The following RNF170 variants were observed in gnomAD, a reference collection of about 807,000 sequenced individuals.
RNF170 encodes the protein ring finger protein 170.
In RNF170, 12 loss-of-function variants were observed where a neutral mutation model predicts 32.7. The observed-to-expected ratio is 0.37, with a 90% confidence interval of 0.24 to 0.60. The LOEUF is 0.60. RNF170 is among the 20% of genes least tolerant of loss of function. The probability of loss-of-function intolerance (pLI) is 0.72; values close to 1 mark genes in which losing one functional copy is unlikely to be tolerated. For synonymous variants in RNF170, 91 were observed against 103.6 expected (o/e 0.88, Z 0.74); for missense variants, 212 against 311.2 (o/e 0.68, Z 2.40).
At chr8:42,871,502 C>A (rs558425605) in intron 3 of RNF170, among the ~76,000 whole-genome samples, 2 of 152,008 alleles carry the variant, frequency 1.3e-5, no homozygotes, top group Non-Finnish European at 2.9e-5. Context: ...CAAGGCTACA[C>A]CTTGATGTTA....
In RNF170 at chr8:42,855,391, T is replaced by G; in HGVS notation, c.*768A>C. The G allele has an allele frequency of 1.5e-6, 1 of 666,862 alleles. No individual in the cohort carries two copies. Among genetic ancestry groups the G allele is most frequent in the Non-Finnish European group, 2.2e-6 (1 of 446,678 alleles). The allele number at this position is 666,862 out of a possible 1,614,324, so 41.3% of individuals were successfully genotyped here. ...CACGCCTGGCTAATTTTTTGTATTT[T>G]TAGTAGAGACGGGGTTTCACCATGT... On this transcript the variant is annotated 3_prime_UTR_variant, in exon 7 of 7. Transcript: ENST00000527424.
At chr8:42,896,740 CCGGCGGCAGCGGCGG>C (rs1022311314), upstream of RNF170, 2 of 144,576 alleles carry the variant, frequency 1.4e-5, no homozygotes, top group African/African-American at 5.1e-5. Context: ...GGGGGCGCGC[CCGGCGGCAGCGGCGG>C]CGGCGGCGGC....
At chr8:42,884,275 G>A (rs1291271082) in intron 2 of RNF170, among the ~76,000 whole-genome samples, 1 of 151,784 alleles carries the variant, frequency 6.6e-6, no homozygotes, top group African/African-American at 2.4e-5. Context: ...GTAGAGATGG[G>A]GTTTCACAAT....
At chr8:42,896,838 G>A (rs1334971404), upstream of RNF170, 13 of 224,102 alleles carry the variant, frequency 5.8e-5, no homozygotes, top group Non-Finnish European at 8.7e-5. Context: ...CTCGGCTCCA[G>A]CCAGGGCGGC....
At chr8:42,870,931 G>A (rs1455793578) in intron 3 of RNF170, among the ~76,000 whole-genome samples, 3 of 151,470 alleles carry the variant, frequency 2.0e-5, no homozygotes, top group South Asian at 2.1e-4. Context: ...CTACATGGCC[G>A]GGCACGGTGG....
chr8:42,883,092 C>T (rs928901281), intron 2 of RNF170, among the ~76,000 whole-genome samples: 1 of 151,270 alleles, frequency 6.6e-6, no homozygotes, highest in African/African-American at 2.4e-5. Flanking sequence ...ATCACATGTT[C>T]TGACTTATAA....
rs990749361 is a variant in RNF170, at chr8:42,861,930, A to G, written c.397-75T>C. On this transcript the variant is annotated intron_variant, in intron 5 of 6. Transcript: ENST00000527424. The stretch of plus-strand genomic sequence containing the variant: ...TTTTTTCATTTTGTGTTATTATTCA[A>G]TAGAATGATAAAGGCTTCTATATTT... 9.8e-6 allele frequency: 14 copies of G among 1,432,416 alleles called. No homozygotes were observed. The African/African-American group carries it at 2.0e-4, about 21-fold the overall frequency. The allele number at this position is 1,432,416 out of a possible 1,614,324, so 88.7% of individuals were successfully genotyped here.
intron 5 of RNF170, among the ~76,000 whole-genome samples, chr8:42,862,358 TA>T (rs1369904002): frequency 6.6e-6 from 1 of 152,186 alleles, no homozygotes; most frequent in African/African-American, 2.4e-5. Flanking sequence ...CAATTCCTAC[TA>T]TAATAAAAAA....
downstream of RNF170, chr8:42,850,346 G>A (rs7829674): frequency 8.4e-3 from 1,797 of 214,090 alleles, 36 homozygotes; most frequent in African/African-American, 0.038. Context: ...ATCGGGCTGC[G>A]TTGCATGTAG....
chr8:42,883,456 C>T (rs1450543030), intron 2 of RNF170, among the ~76,000 whole-genome samples: 1 of 151,150 alleles, frequency 6.6e-6, no homozygotes, highest in Non-Finnish European at 1.5e-5. Context: ...GTAGTCCCAG[C>T]TACTCAGGAG....
intron 2 of RNF170, among the ~76,000 whole-genome samples, chr8:42,883,453 C>T (rs1805571772): frequency 6.6e-6 from 1 of 151,768 alleles, no homozygotes; most frequent in African/African-American, 2.4e-5. Flanking sequence ...CCTGTAGTCC[C>T]AGCTACTCAG....
chr8:42,859,915 G>T (rs530370712), intron 6 of RNF170, among the ~76,000 whole-genome samples: 5 of 152,254 alleles, frequency 3.3e-5, no homozygotes, highest in Admixed American at 3.3e-4. Context: ...CTCCCAAAGT[G>T]CCAGGATTAC....
At chr8:42,893,905 C>T (rs1364876865) in intron 1 of RNF170, among the ~76,000 whole-genome samples, 1 of 152,146 alleles carries the variant, frequency 6.6e-6, no homozygotes, top group Admixed American at 6.5e-5. Context: ...TGAGAACTAG[C>T]CTCCAACTAA....
chr8:42,889,817 T>G (rs1179306363), intron 1 of RNF170, among the ~76,000 whole-genome samples: 1 of 152,148 alleles, frequency 6.6e-6, no homozygotes, highest in African/African-American at 2.4e-5. Context: ...TCAAATAAGC[T>G]AGGGGTGGGC....
chr8:42,893,159 G>A (rs1199183585), intron 1 of RNF170, among the ~76,000 whole-genome samples: 1 of 152,128 alleles, frequency 6.6e-6, no homozygotes, highest in South Asian at 2.1e-4. Flanking sequence ...GTAGTGCGCA[G>A]GGTCTTACAT....
At chr8:42,868,851 CAAAAAAA>C (rs56822241) in intron 4 of RNF170, among the ~76,000 whole-genome samples, 4 of 73,746 alleles carry the variant, frequency 5.4e-5, no homozygotes, top group South Asian at 4.3e-4. Context: ...GACTGCATTT[CAAAAAAA>C]AAAAAAAAAA....
intron 2 of RNF170, among the ~76,000 whole-genome samples, chr8:42,881,962 C>T (rs565040310): frequency 4.6e-5 from 7 of 152,202 alleles, no homozygotes; most frequent in Non-Finnish European, 7.4e-5. Context: ...ACCAGATAGA[C>T]GAATGGCCAC....
Position 42,870,075 on chromosome 8 carries a change from T to C in RNF170, c.251A>G (p.Asp84Gly). 6.2e-7 allele frequency: 1 copy of C among 1,614,102 alleles called. No homozygotes were observed. The highest frequency in any genetic ancestry group is 8.5e-7 in the Non-Finnish European group (1 of 1,179,998). Residue 84 changes from aspartate to glycine, a missense_variant, in exon 4 of 7, where the codon GAC (aspartate) becomes GGC (glycine). By Grantham distance (94) the Asp-to-Gly change is moderately conservative (BLOSUM62 -1). Around this residue, in one of 2 missense-constraint regions of RNF170, gnomAD observed 115 missense variants for 132.3 expected, o/e 0.87. Transcript: ENST00000527424. ...GTGCAGGCAGATGGGACAGTACATG[T>C]CAGTGTAGAACTGCTGTCGAGTGGC... The part of the protein sequence containing the change: ...PAATRQQFYT[D>G]MYCPICLHQA...
At chr8:42,859,041 G>A (rs1428360395) in intron 6 of RNF170, among the ~76,000 whole-genome samples, 2 of 151,952 alleles carry the variant, frequency 1.3e-5, no homozygotes, top group Non-Finnish European at 2.9e-5. Flanking sequence ...AAATTAGCCG[G>A]GTTGTGGTGG....
Sources: gnomAD v4.1 joint callset for allele counts (sites outside exome capture counted in the v4.1 genomes callset) on GRCh38, gnomAD v4.1.1 for gene constraint, gnomAD v4.1.1 regional missense constraint, MANE v1.5 for transcripts, NCBI Gene and HGNC (gene_info 2026-07-23, HGNC 2026-07-21) for gene names.